The following NR5A2 variants were observed in gnomAD, a reference collection of about 807,000 sequenced individuals.
NR5A2 encodes the protein nuclear receptor subfamily 5 group A member 2.
In NR5A2, 26 loss-of-function variants were observed where a neutral mutation model predicts 62.7. That is an observed-to-expected ratio of 0.41 (90% CI 0.30 to 0.58). The LOEUF is 0.58. Ranked by LOEUF, NR5A2 falls within the 20% of genes least tolerant of loss-of-function variation. The pLI, the probability that NR5A2 is intolerant of heterozygous loss-of-function variation, is 0.22. For missense variants in NR5A2, 541 were observed against 669.1 expected (o/e 0.81, Z 2.11); for synonymous variants, 246 against 241.7 (o/e 1.02, Z -0.16).
intron 7 of NR5A2, among the ~76,000 whole-genome samples, chr1:200,150,994 G>C (rs1206581595): frequency 1.3e-5 from 2 of 151,376 alleles, no homozygotes; most frequent in East Asian, 3.8e-4. Flanking sequence ...TGGTTCATTT[G>C]TTTGTTTTTC....
At chr1:200,100,329 T>C (rs1023691361) in intron 5 of NR5A2, among the ~76,000 whole-genome samples, 4 of 151,986 alleles carry the variant, frequency 2.6e-5, no homozygotes, top group Non-Finnish European at 4.4e-5. Flanking sequence ...CCTTTATTTA[T>C]TTATTTATTT....
chr1:200,114,055 C>T (rs948235241), intron 6 of NR5A2, among the ~76,000 whole-genome samples: 2 of 151,948 alleles, frequency 1.3e-5, no homozygotes, highest in East Asian at 1.9e-4. Flanking sequence ...TGGTGGCATG[C>T]GTCTGTGGTC....
At chr1:200,035,579 G>T (rs1055313748) in intron 1 of NR5A2, among the ~76,000 whole-genome samples, 1 of 152,182 alleles carries the variant, frequency 6.6e-6, no homozygotes, top group African/African-American at 2.4e-5. Flanking sequence ...GCATCCTCGC[G>T]AGTGGGGAGT....
chr1:200,164,461 ATACAT>A (rs1008710580), intron 7 of NR5A2, among the ~76,000 whole-genome samples: 6 of 152,164 alleles, frequency 3.9e-5, no homozygotes, highest in African/African-American at 1.2e-4. Context: ...AAACTGACAT[ATACAT>A]TACATTTAAA....
At chr1:200,072,441 GTGACACCCTTTTAA>G (rs1663781446) in intron 5 of NR5A2, among the ~76,000 whole-genome samples, 1 of 152,110 alleles carries the variant, frequency 6.6e-6, no homozygotes, top group South Asian at 2.1e-4. Context: ...ACCTCATAAT[GTGACACCCTTTTAA>G]TCAAAACACC....
intron 1 of NR5A2, chr1:200,038,579 G>A (rs979013372): frequency 3.4e-6 from 2 of 587,064 alleles, no homozygotes; most frequent in Non-Finnish European, 5.8e-6. Context: ...AGAACGGTCA[G>A]CTAAATTTTC....
chr1:200,040,089 G>A (rs1311497102), intron 2 of NR5A2, among the ~76,000 whole-genome samples: 1 of 152,212 alleles, frequency 6.6e-6, no homozygotes, highest in African/African-American at 2.4e-5. Context: ...AGGTACTTTA[G>A]AATAATAAGA....
At chr1:200,070,891 G>T (rs1663712691) in intron 5 of NR5A2, among the ~76,000 whole-genome samples, 1 of 152,066 alleles carries the variant, frequency 6.6e-6, no homozygotes, top group Non-Finnish European at 1.5e-5. Flanking sequence ...GTTTATATGT[G>T]CAGGCTCTCA....
In NR5A2 at chr1:200,110,325, T is replaced by C. The variant is rs138083231; in HGVS notation, c.1111-877T>C. ...CATCACAAAACAAAAAGTAAACTGA[T>C]ACAAATAGCTATAGAAATGGATAAA... On this transcript the variant is annotated intron_variant, in intron 5 of 7. Transcript: ENST00000367362. 3.3e-3 allele frequency among the ~76,000 whole-genome samples: 499 copies of C among 152,314 alleles called. 1 individual carries two copies. Among genetic ancestry groups the C allele is most frequent in the African/African-American group, 0.012 (486 of 41,556 alleles).
At position 200,083,143 on chromosome 1, in the gene NR5A2, T is replaced by TA. The variant is rs538145239; in HGVS notation, c.1111-28056dup. 1.8e-3 allele frequency among the ~76,000 whole-genome samples: 277 copies of TA among 152,332 alleles called. 3 individuals are homozygous for TA. Among genetic ancestry groups the TA allele is most frequent in the African/African-American group, 6.3e-3 (264 of 41,586 alleles). Reference sequence around the variant, plus strand: ...TACAGATATCAAACTATCAACAATGTAAAGTAGTTTTGAGACTTCACTGTC... The same window carrying TA: ...TACAGATATCAAACTATCAACAATGTAAAAGTAGTTTTGAGACTTCACTGTC... On this transcript the variant is annotated intron_variant, in intron 5 of 7. Transcript: ENST00000367362.
intron 5 of NR5A2, among the ~76,000 whole-genome samples, chr1:200,091,792 A>G (rs1370254094): frequency 1.3e-5 from 2 of 151,974 alleles, no homozygotes; most frequent in Admixed American, 1.3e-4. Flanking sequence ...CCCCTTTGCC[A>G]TCTTAGTTAT....
Position 200,056,993 on chromosome 1 carries a change from G to T in NR5A2, c.1110+8175G>T, listed in dbSNP as rs559577996. On this transcript the variant is annotated intron_variant, in intron 5 of 7. Coordinates refer to ENST00000367362, the MANE Select transcript of NR5A2 (RefSeq NM_205860.3). Reference sequence around the variant, plus strand: ...TTTGCAAACTGAGGCTTAAGCCTCGGCAGCCAAGAGCAAGCCCTTGTTCCT... The same window carrying T: ...TTTGCAAACTGAGGCTTAAGCCTCGTCAGCCAAGAGCAAGCCCTTGTTCCT... Among the ~76,000 whole-genome samples the T allele has an allele frequency of 3.8e-4, 58 of 152,304 alleles. 1 individual carries two copies. The highest frequency in any genetic ancestry group is 1.4e-3 in the African/African-American group (57 of 41,566).
chr1:200,136,379 G>A (rs1225270135), intron 7 of NR5A2, among the ~76,000 whole-genome samples: 1 of 152,124 alleles, frequency 6.6e-6, no homozygotes, highest in African/African-American at 2.4e-5. Context: ...ATCATGCCTG[G>A]AATAAAGTTC....
chr1:200,113,516 C>T (rs768747318), intron 6 of NR5A2, among the ~76,000 whole-genome samples: 3 of 152,188 alleles, frequency 2.0e-5, no homozygotes, highest in Non-Finnish European at 1.5e-5. Context: ...ACTTCAAAAG[C>T]CTGTAACCTC....
At chr1:200,060,579 C>T (rs950884341) in intron 5 of NR5A2, among the ~76,000 whole-genome samples, 6 of 152,192 alleles carry the variant, frequency 3.9e-5, no homozygotes, top group African/African-American at 7.2e-5. Flanking sequence ...TTTGAAAATC[C>T]CTGCTTTTCA....
intron 5 of NR5A2, among the ~76,000 whole-genome samples, chr1:200,074,609 T>C (rs1343764042): frequency 1.3e-5 from 2 of 150,826 alleles, no homozygotes; most frequent in South Asian, 2.1e-4. Flanking sequence ...TGGTGGCGGG[T>C]GCCTGTAGTC....
chr1:200,148,813 T>G (rs1168977147), intron 7 of NR5A2, among the ~76,000 whole-genome samples: 1 of 151,852 alleles, frequency 6.6e-6, no homozygotes, highest in East Asian at 1.9e-4. Context: ...ACGTGAAGGA[T>G]CCTATGAGCA....
chr1:200,038,585 T>G, intron 1 of NR5A2: 1 of 634,076 alleles, frequency 1.6e-6, no homozygotes, highest in Admixed American at 2.3e-5. Flanking sequence ...GTCAGCTAAA[T>G]TTTCTCCTTT....
At chr1:200,120,487 CAT>C (rs1351485019) in intron 6 of NR5A2, among the ~76,000 whole-genome samples, 3 of 152,192 alleles carry the variant, frequency 2.0e-5, no homozygotes, top group African/African-American at 4.8e-5. Flanking sequence ...ATTTATCAGA[CAT>C]AGTAATTCTG....
Sources: allele counts gnomAD v4.1 joint callset (sites outside exome capture counted in the v4.1 genomes callset), GRCh38; gene constraint gnomAD v4.1.1; transcripts MANE v1.5; gene names NCBI Gene and HGNC (gene_info 2026-07-23, HGNC 2026-07-21).